PCDHGB3: variants seen among roughly 807,000 people sequenced by gnomAD.
The protein encoded by PCDHGB3 is protocadherin gamma-B3.
Under a neutral mutation model 59.2 loss-of-function variants are expected in PCDHGB3, and 40 were observed. The ratio of observed to expected loss-of-function variants is 0.68; its 90% CI spans 0.52 to 0.88. PCDHGB3 has a LOEUF of 0.88. Among genes scored for constraint, PCDHGB3 ranks in the 40% least tolerant of loss-of-function variants. PCDHGB3 has a pLI of 0.00. For missense variants in PCDHGB3, 1,309 were observed against 1,187.9 expected, an observed-to-expected ratio of 1.10 and a Z score of -1.50; for synonymous variants, 581 against 503.6, an observed-to-expected ratio of 1.15 and a Z score of -2.06.
chr5:141,400,314 CAA>C (rs1443669567), intron 1 of PCDHGB3: 1 of 1,613,960 alleles, frequency 6.2e-7, no homozygotes, highest in Non-Finnish European at 8.5e-7. Context: ...GTCTCTGTGT[CAA>C]GTCTGGACCT....
At chr5:141,389,160 G>C in intron 1 of PCDHGB3, 4 of 1,613,996 alleles carry the variant, frequency 2.5e-6, no homozygotes, top group Non-Finnish European at 3.4e-6. Flanking sequence ...AACAGATCGG[G>C]GCAAGCCTCC....
intron 1 of PCDHGB3, among the ~76,000 whole-genome samples, chr5:141,456,690 C>T (rs893478646): frequency 7.2e-5 from 11 of 152,218 alleles, no homozygotes; most frequent in Admixed American, 5.2e-4. Flanking sequence ...ACTGGCCAGG[C>T]GTGGTGGCTC....
intron 1 of PCDHGB3, chr5:141,422,569 G>A (rs1219842498): frequency 6.2e-7 from 1 of 1,613,984 alleles, no homozygotes; most frequent in Admixed American, 1.7e-5. Context: ...AGATGACAAC[G>A]ATAACCCTCC....
At chr5:141,387,843 G>A in intron 1 of PCDHGB3, 5 of 1,597,072 alleles carry the variant, frequency 3.1e-6, no homozygotes, top group Admixed American at 1.7e-5. Flanking sequence ...TTTGTAACCC[G>A]GCGTCTCCAG....
At chr5:141,506,237 T>G (rs558256375) in intron 3 of PCDHGB3, among the ~76,000 whole-genome samples, 1 of 152,014 alleles carries the variant, frequency 6.6e-6, no homozygotes, top group South Asian at 2.1e-4. Flanking sequence ...GATCATGAGG[T>G]CAGGAGTTCG....
At chr5:141,395,447 G>T in intron 1 of PCDHGB3, 1 of 645,040 alleles carries the variant, frequency 1.6e-6, no homozygotes, top group South Asian at 2.4e-5. Context: ...GGAAAAGATT[G>T]TTCAACCATT....
intron 2 of PCDHGB3, among the ~76,000 whole-genome samples, chr5:141,495,601 G>C (rs1315613802): frequency 6.6e-6 from 1 of 152,004 alleles, no homozygotes; most frequent in Non-Finnish European, 1.5e-5. Context: ...CTTAGCTTCC[G>C]TCTTGATTGC....
intron 1 of PCDHGB3, among the ~76,000 whole-genome samples, chr5:141,446,545 C>T (rs903831454): frequency 4.6e-5 from 7 of 151,914 alleles, no homozygotes; most frequent in African/African-American, 1.7e-4. Context: ...GGCCCTATCT[C>T]TGCTCACTGC....
chr5:141,371,899 C>T lies in PCDHGB3; in HGVS notation c.1505C>T (p.Ser502Leu). The change falls in exon 1 of 4, where the codon TCG becomes TTG. Residue 502 changes from serine (S) to leucine (L), a missense_variant. Transcript: ENST00000576222. The stretch of plus-strand genomic sequence containing the variant: ...AGTGACCTGGAGCCGCGGGAGCTGT[C>T]GTCCTACGTGTCCGTGAGCGCGCGG... Reference protein sequence around the residue: ...VASDLEPRELSSYVSVSARSG... With the variant: ...VASDLEPRELLSYVSVSARSG... 6.2e-7 allele frequency: 1 copy of T among 1,613,414 alleles called. No individual in the cohort carries two copies. The highest frequency in any genetic ancestry group is 8.5e-7 in the Non-Finnish European group (1 of 1,179,906).
chr5:141,489,944 T>A lies in PCDHGB3; in HGVS notation c.2416-4863T>A. On this transcript the variant is annotated intron_variant, in intron 1 of 3. Coordinates refer to ENST00000576222, the MANE Select transcript of PCDHGB3 (RefSeq NM_018924.5). The surrounding 1 kb of genome is among the most constrained non-coding windows in gnomAD (Gnocchi z 4.5). ...CTTATCTCTGTCATCGTGCTGGACA[T>A]CAATGATAATGCTCCAACCTTCCAA... 1 of 1,614,172 alleles carries A rather than the reference T, an allele frequency of 6.2e-7. No individual in the cohort carries two copies. The highest frequency in any genetic ancestry group is 8.5e-7 in the Non-Finnish European group (1 of 1,180,010).
At chr5:141,449,631 G>C in intron 1 of PCDHGB3, among the ~76,000 whole-genome samples, 1 of 148,476 alleles carries the variant, frequency 6.7e-6, no homozygotes, top group Middle Eastern at 3.6e-3. Flanking sequence ...TTAAAAAGAT[G>C]TATCTATATA....
intron 1 of PCDHGB3, among the ~76,000 whole-genome samples, chr5:141,464,935 T>A (rs1157718693): frequency 6.6e-6 from 1 of 151,882 alleles, no homozygotes; most frequent in African/African-American, 2.4e-5. Flanking sequence ...AGATGTGAGG[T>A]CTCACTATGT....
At chr5:141,430,767 C>T in intron 1 of PCDHGB3, 1 of 1,506,782 alleles carries the variant, frequency 6.6e-7, no homozygotes, top group Non-Finnish European at 8.9e-7. Flanking sequence ...AGAATGATTC[C>T]TGCGCGACTG....
chr5:141,430,756 A>G (rs747363475), intron 1 of PCDHGB3: 1 of 1,503,228 alleles, frequency 6.7e-7, no homozygotes, highest in Non-Finnish European at 8.9e-7. Flanking sequence ...GGAGGAAGAT[A>G]AGAATGATTC....
intron 1 of PCDHGB3, among the ~76,000 whole-genome samples, chr5:141,473,942 GC>G (rs1443545533): frequency 1.3e-5 from 2 of 152,124 alleles, no homozygotes; most frequent in African/African-American, 4.8e-5. Context: ...AGTAGCTCAG[GC>G]CTGTAGTCCC....
chr5:141,420,673 A>T (rs1244699899), intron 1 of PCDHGB3, among the ~76,000 whole-genome samples: 5 of 152,208 alleles, frequency 3.3e-5, no homozygotes, highest in Admixed American at 3.3e-4. Flanking sequence ...CTACCTGATG[A>T]TTTTATCGGG....
chr5:141,397,862 G>A (rs956658469), intron 1 of PCDHGB3: 5 of 566,952 alleles, frequency 8.8e-6, no homozygotes, highest in African/African-American at 7.5e-5. Flanking sequence ...TAGTTTCCTA[G>A]TGCTGACTCT....
intron 1 of PCDHGB3, chr5:141,420,319 G>T (rs1393746531): frequency 7.0e-7 from 1 of 1,437,422 alleles, no homozygotes; most frequent in African/African-American, 1.4e-5. Context: ...ATTACAATAT[G>T]CCAATATATT....
chr5:141,398,799 C>A, intron 1 of PCDHGB3: 1 of 1,613,966 alleles, frequency 6.2e-7, no homozygotes, highest in South Asian at 1.1e-5. Context: ...CCCTAAGCGG[C>A]ACCACTGAGC....
Sources: allele counts gnomAD v4.1 joint callset (sites outside exome capture counted in the v4.1 genomes callset), GRCh38; gene constraint gnomAD v4.1.1; non-coding constraint Gnocchi (gnomAD v3.1); transcripts MANE v1.5; gene names NCBI Gene and HGNC (gene_info 2026-07-23, HGNC 2026-07-21).